The following SNX29 variants were observed in gnomAD, a reference collection of about 807,000 sequenced individuals.
SNX29 encodes sorting nexin-29.
Under a neutral mutation model 102.1 loss-of-function variants are expected in SNX29, and 78 were observed. The ratio of observed to expected loss-of-function variants is 0.76; its 90% CI spans 0.64 to 0.92. The LOEUF is 0.92. SNX29 is among the 40% of genes least tolerant of loss of function. The probability of loss-of-function intolerance (pLI) is 0.00; values close to 1 mark genes in which losing one functional copy is unlikely to be tolerated. For synonymous variants in SNX29, 580 were observed against 414.5 expected, an observed-to-expected ratio of 1.40 and a Z score of -4.85; for missense variants, 1,280 against 1,061.7, an observed-to-expected ratio of 1.21 and a Z score of -2.86.
At chr16:12,320,063 G>C (rs941354562) in intron 15 of SNX29, among the ~76,000 whole-genome samples, 4 of 152,192 alleles carry the variant, frequency 2.6e-5, no homozygotes, top group African/African-American at 7.2e-5. Flanking sequence ...CCTCTCTGCA[G>C]TCACCTTCCA....
chr16:12,506,123 G>C (rs1332726577), intron 19 of SNX29, among the ~76,000 whole-genome samples: 2 of 152,162 alleles, frequency 1.3e-5, no homozygotes, highest in African/African-American at 4.8e-5. Flanking sequence ...AGCACACCTG[G>C]CTAGTTTTTG....
chr16:12,285,610 G>C (rs78013007), intron 15 of SNX29, among the ~76,000 whole-genome samples: 1 of 152,154 alleles, frequency 6.6e-6, no homozygotes, highest in African/African-American at 2.4e-5. Context: ...TTAATAAAGT[G>C]TAAAAATTCC....
At chr16:12,094,747 C>A (rs1389547629) in intron 11 of SNX29, among the ~76,000 whole-genome samples, 6 of 152,144 alleles carry the variant, frequency 3.9e-5, no homozygotes, top group Non-Finnish European at 8.8e-5. Context: ...GTCCTCCCAA[C>A]AGGACAGCTC....
intron 15 of SNX29, among the ~76,000 whole-genome samples, chr16:12,314,163 T>A (rs1303540732): frequency 8.5e-5 from 13 of 152,334 alleles, no homozygotes; most frequent in East Asian, 1.9e-4. Flanking sequence ...GCTATTTTTT[T>A]ATTTTTTTTA....
At chr16:12,461,626 C>G (rs1283172857) in intron 18 of SNX29, among the ~76,000 whole-genome samples, 1 of 152,014 alleles carries the variant, frequency 6.6e-6, no homozygotes, top group African/African-American at 2.4e-5. Flanking sequence ...ATCGCGTCTT[C>G]CAAGAGGAGT....
chr16:12,217,932 A>G (rs1278664908), intron 14 of SNX29, among the ~76,000 whole-genome samples: 1 of 152,152 alleles, frequency 6.6e-6, no homozygotes, highest in African/African-American at 2.4e-5. Flanking sequence ...TTTCTGTATA[A>G]TTTGGTTCCT....
intron 13 of SNX29, among the ~76,000 whole-genome samples, chr16:12,169,408 C>T (rs149217415): frequency 1.7e-3 from 264 of 152,276 alleles, no homozygotes; most frequent in African/African-American, 6.3e-3. Flanking sequence ...GAAATGACCC[C>T]AGGAGGCCAT....
intron 14 of SNX29, among the ~76,000 whole-genome samples, chr16:12,277,154 G>C (rs1045500365): frequency 1.3e-5 from 2 of 152,264 alleles, no homozygotes; most frequent in African/African-American, 2.4e-5. Context: ...TTGGGAAGCT[G>C]AGGAGGGAGG....
At chr16:12,369,158 C>T (rs1054935587) in intron 16 of SNX29, among the ~76,000 whole-genome samples, 33 of 150,500 alleles carry the variant, frequency 2.2e-4, no homozygotes, top group African/African-American at 3.2e-4. Flanking sequence ...TTTTTTGAGA[C>T]GGAGTTTTGC....
intron 14 of SNX29, among the ~76,000 whole-genome samples, chr16:12,256,393 T>A (rs2078574245): frequency 6.6e-6 from 1 of 152,206 alleles, no homozygotes; most frequent in South Asian, 2.1e-4. Context: ...GTCATGCAGA[T>A]CTTGGCTCAC....
At chr16:12,379,283 G>C (rs549899089) in intron 16 of SNX29, among the ~76,000 whole-genome samples, 141 of 152,262 alleles carry the variant, frequency 9.3e-4, no homozygotes, top group African/African-American at 3.2e-3. Flanking sequence ...ACCATGCCTG[G>C]CTAATTAAAA....
chr16:12,049,363 C>G (rs1316590044), intron 7 of SNX29, among the ~76,000 whole-genome samples: 2 of 150,484 alleles, frequency 1.3e-5, no homozygotes, highest in Non-Finnish European at 2.9e-5. Context: ...GACAGAGTCT[C>G]ACTCTATTGC....
chr16:12,271,104 C>A (rs138072443), intron 14 of SNX29, among the ~76,000 whole-genome samples: 1 of 152,176 alleles, frequency 6.6e-6, no homozygotes. Flanking sequence ...AAAGACTCTA[C>A]GTTGGTTAAC....
At chr16:12,247,824 G>T (rs1296777484) in intron 14 of SNX29, among the ~76,000 whole-genome samples, 1 of 152,194 alleles carries the variant, frequency 6.6e-6, no homozygotes, top group Non-Finnish European at 1.5e-5. Context: ...AACCAGTTAT[G>T]ACCACATGTG....
At chr16:12,544,355 G>C (rs577265459) in intron 20 of SNX29, among the ~76,000 whole-genome samples, 67 of 152,304 alleles carry the variant, frequency 4.4e-4, no homozygotes, top group South Asian at 2.3e-3. Context: ...CTGTTGGAAA[G>C]GAGAAGTGAT....
chr16:12,234,691 C>G (rs1451225083), intron 14 of SNX29, among the ~76,000 whole-genome samples: 2 of 152,164 alleles, frequency 1.3e-5, no homozygotes, highest in African/African-American at 4.8e-5. Context: ...AGCTGAGATG[C>G]TGTCGGCTTC....
intron 18 of SNX29, among the ~76,000 whole-genome samples, chr16:12,440,141 G>A (rs1057252599): frequency 6.6e-6 from 1 of 152,228 alleles, no homozygotes; most frequent in African/African-American, 2.4e-5. Context: ...ACGGCCCAGA[G>A]CAGGAGTCAG....
chr16:12,552,902 G>A (rs538568459), intron 20 of SNX29, among the ~76,000 whole-genome samples: 1 of 152,252 alleles, frequency 6.6e-6, no homozygotes, highest in Admixed American at 6.5e-5. Context: ...CAGGAGATAG[G>A]CAAGGGCAGC....
At chr16:12,108,431 A>G (rs1217821633) in intron 11 of SNX29, among the ~76,000 whole-genome samples, 2 of 152,228 alleles carry the variant, frequency 1.3e-5, no homozygotes, top group African/African-American at 4.8e-5. Flanking sequence ...CAGGTGCACC[A>G]GAAGGTGTCA....
Sources: allele counts gnomAD v4.1 joint callset (sites outside exome capture counted in the v4.1 genomes callset), GRCh38; gene constraint gnomAD v4.1.1; transcripts MANE v1.5; gene names NCBI Gene and HGNC (gene_info 2026-07-23, HGNC 2026-07-21).